Variants in PTPRS observed in about 807,000 individuals in gnomAD.
PTPRS encodes the protein receptor-type tyrosine-protein phosphatase S.
PTPRS carries 63 observed loss-of-function variants against 215.3 expected under a neutral mutation model. That is an observed-to-expected ratio of 0.29 (90% CI 0.24 to 0.36). The LOEUF (loss-of-function observed/expected upper bound fraction) is 0.36, where lower values mean the gene tolerates loss of function less well. Among genes scored for constraint, PTPRS ranks in the 10% least tolerant of loss-of-function variants. PTPRS has a pLI of 1.00. For synonymous variants in PTPRS, 1,404 were observed against 1,191.4 expected (o/e 1.18, Z -3.68); for missense variants, 2,258 against 2,825.8 (o/e 0.80, Z 4.56).
At position 5,212,056 on chromosome 19, in the gene PTPRS, T is replaced by C; in HGVS notation, c.4964A>G (p.Glu1655Gly). 6.2e-7 allele frequency: 1 copy of C among 1,614,066 alleles called. No homozygotes were observed. Among genetic ancestry groups the C allele is most frequent in the African/African-American group, 1.3e-5 (1 of 75,074 alleles). ...GGCATAGAGGCTGCGTGCGGGCACTTCTGTGTTGCCACAGCCCACGGCCTC... is the reference window on the plus strand; with the variant it reads ...GGCATAGAGGCTGCGTGCGGGCACTCCTGTGTTGCCACAGCCCACGGCCTC... The part of the protein sequence containing the change: ...LLEAVGCGNT[E>G]VPARSLYAYI... The change falls in exon 32 of 38, where the codon GAA (glutamate) becomes GGA (glycine). Residue 1655 changes from glutamate to glycine, a missense_variant. Physicochemically the swap from Glu to Gly is moderately conservative, Grantham distance 98. Transcript: ENST00000262963.
At chr19:5,234,311 C>A (rs1442130788) in intron 13 of PTPRS, among the ~76,000 whole-genome samples, 1 of 152,148 alleles carries the variant, frequency 6.6e-6, no homozygotes, top group African/African-American at 2.4e-5. Flanking sequence ...TACTGTGTGC[C>A]AGATAGAATG....
chr19:5,291,286 T>C (rs2048795464), intron 1 of PTPRS, among the ~76,000 whole-genome samples: 1 of 151,920 alleles, frequency 6.6e-6, no homozygotes, highest in Admixed American at 6.5e-5. Context: ...TTCTCTGTGT[T>C]TTCTGCTGTT....
At chr19:5,240,511 C>T (rs142856270) in intron 11 of PTPRS, among the ~76,000 whole-genome samples, 179 bp from the exon 12 acceptor site, 3 of 152,198 alleles carry the variant, frequency 2.0e-5, no homozygotes, top group African/African-American at 7.2e-5. Flanking sequence ...GTTCCTCCAT[C>T]CTCTCTTCTT....
intron 1 of PTPRS, among the ~76,000 whole-genome samples, chr19:5,300,427 G>A (rs1057422389): frequency 6.6e-6 from 1 of 152,048 alleles, no homozygotes; most frequent in Non-Finnish European, 1.5e-5. Context: ...GGTCAGTCTT[G>A]GTCACTGCCA....
At position 5,229,479 on chromosome 19, in the gene PTPRS, C is replaced by A; in HGVS notation, c.2349+12G>T. 1.4e-6 allele frequency: 2 copies of A among 1,409,668 alleles called. No homozygotes were observed. Among genetic ancestry groups the A allele is most frequent in the South Asian group, 3.2e-5 (2 of 63,014 alleles). 87.3% of individuals were successfully genotyped at this position (1,409,668 alleles called of 1,614,324 possible). ...GAGCCCGTCCCCGGCCCCGCCCCGGCCCCCCGCCCACCTGGGCATCGGCCA... is the reference window on the plus strand; with the variant it reads ...GAGCCCGTCCCCGGCCCCGCCCCGGACCCCCGCCCACCTGGGCATCGGCCA... On this transcript the variant is annotated intron_variant, in intron 15 of 37. Coordinates refer to ENST00000262963, the MANE Select transcript of PTPRS (RefSeq NM_002850.4).
rs930143763 is a variant in PTPRS at position 5,237,403 on chromosome 19, C to A, written c.1849+1516G>T. ...CTTCTCCCCAACTCCCTGTCCTGGG[C>A]CGCCCCGGAGGTTCGCGTGGCTGGG... On this transcript the variant is annotated intron_variant, in intron 13 of 37. Transcript: ENST00000262963. This position sits in a 1 kb window ranked among gnomAD's most constrained non-coding sequence, Gnocchi z 4.2. Among the ~76,000 whole-genome samples, 1 of 152,248 alleles carries A rather than the reference C, an allele frequency of 6.6e-6. No homozygotes were observed. Among genetic ancestry groups the A allele is most frequent in the African/African-American group, 2.4e-5 (1 of 41,472 alleles).
intron 13 of PTPRS, among the ~76,000 whole-genome samples, chr19:5,233,542 A>G (rs991493688): frequency 9.9e-5 from 15 of 151,274 alleles, no homozygotes; most frequent in African/African-American, 3.4e-4. Context: ...TTTACTGAAT[A>G]TCTAGTATGT....
chr19:5,299,729 G>A (rs12974029), intron 1 of PTPRS, among the ~76,000 whole-genome samples: 25,441 of 152,008 alleles, frequency 0.17, 2,810 homozygotes, highest in Non-Finnish European at 0.25. Flanking sequence ...AAAATTAGCC[G>A]GGCATGGTGG....
chr19:5,235,042 G>A (rs886103229), intron 13 of PTPRS, among the ~76,000 whole-genome samples: 3 of 150,706 alleles, frequency 2.0e-5, no homozygotes, highest in East Asian at 2.0e-4. Flanking sequence ...TCGGGTTCAC[G>A]CCATTCTCCT....
chr19:5,321,718 G>A (rs1413538584), intron 1 of PTPRS, among the ~76,000 whole-genome samples: 1 of 152,078 alleles, frequency 6.6e-6, no homozygotes, highest in Non-Finnish European at 1.5e-5. Flanking sequence ...GGTAAACTGA[G>A]GCTCAGAGAA....
intron 4 of PTPRS, among the ~76,000 whole-genome samples, chr19:5,270,557 G>A (rs1248558076): frequency 1.3e-5 from 2 of 152,184 alleles, no homozygotes; most frequent in African/African-American, 4.8e-5. Context: ...TGATCCTCTT[G>A]ACTTGGCCTC....
At chr19:5,334,238 G>A (rs948664672) in intron 1 of PTPRS, among the ~76,000 whole-genome samples, 1 of 152,246 alleles carries the variant, frequency 6.6e-6, no homozygotes, top group Non-Finnish European at 1.5e-5. Flanking sequence ...CCCCATCGGG[G>A]GGCTGAGGGC....
intron 4 of PTPRS, among the ~76,000 whole-genome samples, chr19:5,268,127 G>A (rs977969543): frequency 1.6e-4 from 24 of 152,164 alleles, no homozygotes; most frequent in African/African-American, 4.1e-4. Flanking sequence ...CAGAGATCGC[G>A]CCACTGCACT....
intron 9 of PTPRS, among the ~76,000 whole-genome samples, chr19:5,253,828 C>T (rs934132185): frequency 2.6e-5 from 4 of 152,166 alleles, no homozygotes; most frequent in African/African-American, 9.7e-5. Context: ...TGCTTGAATC[C>T]TTTATTTACA....
Position 5,274,343 on chromosome 19 carries a change from C to A in PTPRS, c.93G>T (p.Glu31Asp). 6.2e-7 allele frequency: 1 copy of A among 1,608,818 alleles called. No individual in the cohort carries two copies. The change falls in exon 3 of 38, where the codon GAG becomes GAT. Residue 31 changes from glutamate to aspartate, a missense_variant and splice_region_variant. Physicochemically the swap from Glu to Asp is conservative, Grantham distance 45. Around this residue, in one of 6 missense-constraint regions of PTPRS, gnomAD observed 508 missense variants for 799.4 expected, o/e 0.64. Transcript: ENST00000262963. Reference sequence around the variant, plus strand: ...TGGGTTCTTTGATAAACCTGGGGGGCTCTGGGGATACAGTGGAAAGAAGGG... The same window carrying A: ...TGGGTTCTTTGATAAACCTGGGGGGATCTGGGGATACAGTGGAAAGAAGGG... ...VLLVGGCAAE[E>D]PPRFIKEPKD...
intron 2 of PTPRS, chr19:5,277,983 G>C (rs1345339227): frequency 2.1e-6 from 3 of 1,423,484 alleles, no homozygotes; most frequent in South Asian, 2.3e-5. Flanking sequence ...CAGCGTCAAG[G>C]AGCTGGAAGT....
intron 4 of PTPRS, among the ~76,000 whole-genome samples, chr19:5,267,642 G>A (rs1202856620): frequency 7.3e-6 from 1 of 137,862 alleles, no homozygotes; most frequent in East Asian, 2.0e-4. Flanking sequence ...GGGCGACAGA[G>A]CAAGACTGTC....
chr19:5,332,666 C>T (rs2050365827), intron 1 of PTPRS, among the ~76,000 whole-genome samples: 1 of 152,230 alleles, frequency 6.6e-6, no homozygotes, highest in South Asian at 2.1e-4. Flanking sequence ...CCCTGTCCAT[C>T]CTCCTGCGCA....
intron 26 of PTPRS, among the ~76,000 whole-genome samples, chr19:5,216,298 G>A (rs968321565): frequency 6.6e-6 from 1 of 152,126 alleles, no homozygotes; most frequent in Non-Finnish European, 1.5e-5. Flanking sequence ...ATCTGGGTCT[G>A]CAGAACCCTG....
Sources: allele counts gnomAD v4.1 joint callset (sites outside exome capture counted in the v4.1 genomes callset), GRCh38; gene constraint gnomAD v4.1.1; regional missense constraint gnomAD v4.1.1; non-coding constraint Gnocchi (gnomAD v3.1); transcripts MANE v1.5; gene names NCBI Gene and HGNC (gene_info 2026-07-23, HGNC 2026-07-21).